The following TP73 variants were observed in gnomAD, a reference collection of about 807,000 sequenced individuals.
TP73 encodes the protein tumor protein p73, also known as p53-like transcription factor.
TP73 carries 25 observed loss-of-function variants against 62.5 expected under a neutral mutation model. The ratio of observed to expected loss-of-function variants is 0.40; its 90% CI spans 0.29 to 0.56. The LOEUF is 0.56. Ranked by LOEUF, TP73 falls within the 20% of genes least tolerant of loss-of-function variation. The pLI, the probability that TP73 is intolerant of heterozygous loss-of-function variation, is 0.46. For synonymous variants in TP73, 423 were observed against 377.5 expected (o/e 1.12, Z -1.40); for missense variants, 754 against 913.3 (o/e 0.83, Z 2.25).
rs1472522792 is a variant in TP73, at chr1:3,707,990, C to T, written c.429+199C>T. ...GTCTGGGTGTGCCCACCCCTCTAGA[C>T]GTGAGTGGCCAGAGCCAGTCAGCCT... On this transcript the variant is annotated intron_variant, in intron 4 of 13. Coordinates refer to ENST00000378295, the MANE Select transcript of TP73 (RefSeq NM_005427.4). 22 of 816,506 alleles carry T rather than the reference C, an allele frequency of 2.7e-5. No individual in the cohort carries two copies. The Admixed American group carries it at 5.2e-4, about 19-fold the overall frequency. 50.6% of individuals were successfully genotyped at this position (816,506 alleles called of 1,614,324 possible). A position where few individuals can be genotyped will look rare whatever the true frequency, so the allele number is the denominator to read the frequency against.
At chr1:3,688,914 A>AC (rs1249164864) in intron 3 of TP73, among the ~76,000 whole-genome samples, 1 of 151,948 alleles carries the variant, frequency 6.6e-6, no homozygotes, top group Non-Finnish European at 1.5e-5. Flanking sequence ...TATTTATAAA[A>AC]CCATCAGGCC....
Position 3,670,916 on chromosome 1 carries a change from T to C in TP73, c.-33-11417T>C, listed in dbSNP as rs1204107157. Among the ~76,000 whole-genome samples the C allele has an allele frequency of 2.0e-5, 3 of 152,146 alleles. No individual in the cohort carries two copies. The highest frequency in any genetic ancestry group is 2.9e-5 in the Non-Finnish European group (2 of 68,024). On this transcript the variant is annotated intron_variant, in intron 1 of 13. Transcript: ENST00000378295. The surrounding 1 kb of genome is among the most constrained non-coding windows in gnomAD (Gnocchi z 5.9). ...AGCGCAGAGAGCAGTCAGGGCTTGG[T>C]GGTCTGGCCCGCAAAGAGTCAGCAT... is the stretch of plus-strand genomic sequence containing the variant.
rs1261236889 is a variant in TP73 at position 3,663,983 on chromosome 1, C to G, written c.-34+11342C>G. 6.6e-6 allele frequency among the ~76,000 whole-genome samples: 1 copy of G among 152,190 alleles called. No homozygotes were observed. The highest frequency in any genetic ancestry group is 2.4e-5 in the African/African-American group (1 of 41,452). ...TACCCTGGGGGTCGTGGCCGGCCCC[C>G]CTCCCTCCATGCCACAGGCTCTCTG... On this transcript the variant is annotated intron_variant, in intron 1 of 13. Coordinates refer to ENST00000378295, the MANE Select transcript of TP73 (RefSeq NM_005427.4). The surrounding 1 kb of genome is among the most constrained non-coding windows in gnomAD (Gnocchi z 4.7).
chr1:3,712,920 C>T (rs1640274909), intron 4 of TP73, among the ~76,000 whole-genome samples: 1 of 144,062 alleles, frequency 6.9e-6, no homozygotes, highest in African/African-American at 2.4e-5. Context: ...GGACAGGTCC[C>T]CACGAGCAGC....
chr1:3,721,095 C>T (rs1488497414), intron 4 of TP73, among the ~76,000 whole-genome samples: 4 of 152,224 alleles, frequency 2.6e-5, no homozygotes, highest in African/African-American at 4.8e-5. Context: ...AGGAGCCAGA[C>T]GCTTGGGAAA....
At chr1:3,687,776 C>T (rs1169041145) in intron 3 of TP73, among the ~76,000 whole-genome samples, 5 of 152,140 alleles carry the variant, frequency 3.3e-5, no homozygotes, top group Admixed American at 6.5e-5. Flanking sequence ...CCTCTCCTGG[C>T]GCCTTTCTCT....
At chr1:3,717,139 T>A (rs942404609) in intron 4 of TP73, among the ~76,000 whole-genome samples, 2 of 152,254 alleles carry the variant, frequency 1.3e-5, no homozygotes, top group African/African-American at 4.8e-5. Flanking sequence ...CAAGTTATTA[T>A]CACCTCTCCG....
chr1:3,707,093 G>A (rs1639720959), intron 3 of TP73, among the ~76,000 whole-genome samples: 2 of 152,160 alleles, frequency 1.3e-5, no homozygotes, highest in East Asian at 1.9e-4. Flanking sequence ...GCCCAGGTGT[G>A]CGCACCCTGC....
intron 10 of TP73, chr1:3,729,660 T>A: frequency 3.3e-6 from 3 of 897,648 alleles, no homozygotes; most frequent in South Asian, 2.8e-5. Flanking sequence ...TGGCCCTTGC[T>A]ATGCCTCTGC....
At position 3,733,243 on chromosome 1, in the gene TP73, G is replaced by A. The variant is rs1351960807; in HGVS notation, c.*164G>A. On this transcript the variant is annotated 3_prime_UTR_variant, in exon 14 of 14. Transcript: ENST00000378295. ...CAGGCACCTCACAGGCCCCAGGAAA[G>A]GCCCAGCCACCGAAGCCGCCTGTGG... The A allele has an allele frequency of 2.3e-6, 2 of 870,946 alleles. No individual in the cohort carries two copies. Among genetic ancestry groups the A allele is most frequent in the African/African-American group, 3.4e-5 (2 of 58,408 alleles). 54.0% of individuals were successfully genotyped at this position (870,946 alleles called of 1,614,324 possible). A position where few individuals can be genotyped will look rare whatever the true frequency, so the allele number is the denominator to read the frequency against.
intron 4 of TP73, among the ~76,000 whole-genome samples, chr1:3,710,080 A>C (rs1557550207): frequency 6.6e-6 from 1 of 151,588 alleles, no homozygotes; most frequent in Admixed American, 6.6e-5. Flanking sequence ...GTCTGCTCAG[A>C]CCAGGCATCC....
In TP73 at chr1:3,707,590, C is replaced by G; in HGVS notation, c.228C>G (p.Ser76Arg). The G allele has an allele frequency of 1.2e-6, 2 of 1,612,398 alleles. No homozygotes were observed. Among genetic ancestry groups the G allele is most frequent in the Non-Finnish European group, 1.7e-6 (2 of 1,179,668 alleles). ...TGAGCAGCACCATGGACCAGATGAG[C>G]AGCCGCGCGGCCTCGGCCAGCCCCT... ...NLLSSTMDQM[S>R]SRAASASPYT... is the part of the protein sequence containing the mutation. The change falls in exon 4 of 14, where the codon AGC becomes AGG. Residue 76 changes from serine (S) to arginine (R), a missense_variant. By Grantham distance (110) the Ser-to-Arg change is moderately radical. Coordinates refer to ENST00000378295, the MANE Select transcript of TP73 (RefSeq NM_005427.4).
At chr1:3,687,572 A>G (rs1251301382) in intron 3 of TP73, among the ~76,000 whole-genome samples, 5 of 99,068 alleles carry the variant, frequency 5.0e-5, no homozygotes, top group African/African-American at 1.1e-4. Context: ...GCGCAGGGCA[A>G]TGAGACCTGC....
At chr1:3,715,928 G>T (rs1279230592) in intron 4 of TP73, among the ~76,000 whole-genome samples, 2 of 152,144 alleles carry the variant, frequency 1.3e-5, no homozygotes, top group East Asian at 1.9e-4. Flanking sequence ...GATCGAGCAG[G>T]CTCCAGCTCC....
rs79146552 is a variant in TP73, at chr1:3,709,365, G to A, written c.429+1574G>A. Among the ~76,000 whole-genome samples, 409 of 152,308 alleles carry A rather than the reference G, an allele frequency of 2.7e-3. 13 individuals are homozygous for A. In the East Asian group the frequency reaches 0.066, roughly 25 times the overall value. ...ATGCCGACCCCAGTGCTAACACCCC[G>A]TTTTCTCCATTTGGAAATTACTCCT... On this transcript the variant is annotated intron_variant, in intron 4 of 13. Coordinates refer to ENST00000378295, the MANE Select transcript of TP73 (RefSeq NM_005427.4).
intron 3 of TP73, among the ~76,000 whole-genome samples, chr1:3,700,035 G>T (rs906743395): frequency 6.6e-6 from 1 of 151,932 alleles, no homozygotes; most frequent in Non-Finnish European, 1.5e-5. Flanking sequence ...CAAGGATGGG[G>T]TCCCTCGGGA....
chr1:3,727,474 C>T, intron 7 of TP73, 154 bp from the exon 8 acceptor site: 1 of 1,176,378 alleles, frequency 8.5e-7, no homozygotes, highest in South Asian at 1.5e-5. Flanking sequence ...CTCTGACTCC[C>T]TCTAGCGGGA....
intron 3 of TP73, among the ~76,000 whole-genome samples, chr1:3,700,857 A>G (rs924145357): frequency 2.0e-5 from 3 of 152,188 alleles, no homozygotes; most frequent in African/African-American, 7.2e-5. Context: ...TTTTAACAAA[A>G]CCACAAAATC....
At position 3,666,078 on chromosome 1, in the gene TP73, C is replaced by T. The variant is rs568300622; in HGVS notation, c.-34+13437C>T. On this transcript the variant is annotated intron_variant, in intron 1 of 13. Transcript: ENST00000378295. The surrounding 1 kb of genome is among the most constrained non-coding windows in gnomAD (Gnocchi z 6.4). ...GGCGGAGTTTGTGGTGAGCTGAGAT[C>T]GCACCATTGTACTCCAGCCTGGGCA... Among the ~76,000 whole-genome samples the T allele has an allele frequency of 1.1e-4, 16 of 142,242 alleles. No individual in the cohort carries two copies. Among genetic ancestry groups the T allele is most frequent in the East Asian group, 4.1e-4 (2 of 4,892 alleles). The allele number at this position is 142,242 out of a possible 152,430, so 93.3% of individuals were successfully genotyped here.
Sources: gnomAD v4.1 joint callset for allele counts (sites outside exome capture counted in the v4.1 genomes callset) on GRCh38, gnomAD v4.1.1 for gene constraint, Gnocchi (gnomAD v3.1) non-coding constraint, MANE v1.5 for transcripts, NCBI Gene and HGNC (gene_info 2026-07-23, HGNC 2026-07-21) for gene names.